DGAT2: variants seen among roughly 807,000 people sequenced by gnomAD.
The protein encoded by DGAT2 is diacylglycerol O-acyltransferase 2, also known as acyl-CoA retinol O-fatty-acyltransferase.
Under a neutral mutation model 48.4 loss-of-function variants are expected in DGAT2, and 33 were observed. That is an observed-to-expected ratio of 0.68 (90% CI 0.52 to 0.91). The LOEUF (loss-of-function observed/expected upper bound fraction) is 0.91. Ranked by LOEUF, DGAT2 falls within the 40% of genes least tolerant of loss-of-function variation. The probability of loss-of-function intolerance (pLI) is 0.00; values close to 1 mark genes in which losing one functional copy is unlikely to be tolerated. For missense variants in DGAT2, 446 were observed against 493.7 expected (o/e 0.90, Z 0.92); for synonymous variants, 191 against 194.1 (o/e 0.98, Z 0.13).
intron 2 of DGAT2, among the ~76,000 whole-genome samples, chr11:75,785,401 A>G (rs1433140711): frequency 6.6e-6 from 1 of 152,192 alleles, no homozygotes. Context: ...TCCTCAGCTG[A>G]GCACATTCCC....
rs1323242991 is a variant in DGAT2, at chr11:75,800,836, A to C, written c.*328A>C. On this transcript the variant is annotated 3_prime_UTR_variant, in exon 8 of 8. Transcript: ENST00000228027. ...TTGCCATTAGTGACTTGGACCAGTT[A>C]GATGATTCACTTTTTGCCCCTAGGG... The C allele has an allele frequency of 7.3e-6, 2 of 274,104 alleles. No individual in the cohort carries two copies. Among genetic ancestry groups the C allele is most frequent in the African/African-American group, 4.5e-5 (2 of 44,004 alleles). The allele number at this position is 274,104 out of a possible 1,614,324, so 17.0% of individuals were successfully genotyped here. A position where few individuals can be genotyped will look rare whatever the true frequency, so the allele number is the denominator to read the frequency against.
intron 2 of DGAT2, among the ~76,000 whole-genome samples, chr11:75,786,584 A>C (rs1459934009): frequency 6.6e-6 from 1 of 152,214 alleles, no homozygotes; most frequent in Admixed American, 6.5e-5. Flanking sequence ...CACAGCCCAG[A>C]AACCGGCCCA....
chr11:75,789,820 C>T (rs372639997), intron 2 of DGAT2, among the ~76,000 whole-genome samples: 4 of 152,176 alleles, frequency 2.6e-5, no homozygotes, highest in African/African-American at 9.7e-5. Flanking sequence ...GTTCCCTCCC[C>T]TTATCCACAG....
rs528100780 is a variant in DGAT2, at chr11:75,779,572, C to T, written c.122-5046C>T. Among the ~76,000 whole-genome samples the T allele has an allele frequency of 5.3e-5, 8 of 152,252 alleles. No homozygotes were observed. In the South Asian group the frequency reaches 6.2e-4, roughly 12 times the overall value. On this transcript the variant is annotated intron_variant, in intron 1 of 7. Transcript: ENST00000228027. ...GGCGCAGGAGAAGGGGATTGCTTTC[C>T]GGGTGGTAAAAGAGCTGCTCTGGGC...
chr11:75,797,464 G>A, intron 6 of DGAT2, 132 bp downstream of exon 6: 1 of 1,134,862 alleles, frequency 8.8e-7, no homozygotes, highest in Non-Finnish European at 1.2e-6. Flanking sequence ...CTGTTAGGGA[G>A]GGGATGTTGG....
At chr11:75,783,776 T>C (rs2168947) in intron 1 of DGAT2, among the ~76,000 whole-genome samples, 34,169 of 152,108 alleles carry the variant, frequency 0.22, 6,430 homozygotes, top group African/African-American at 0.51. Flanking sequence ...TTCCTGTCCC[T>C]ACTGCCCATC....
chr11:75,795,478 A>T (rs1236862302), intron 4 of DGAT2: 1 of 152,322 alleles, frequency 6.6e-6, no homozygotes, highest in African/African-American at 2.4e-5. Context: ...GTTTAGGGAC[A>T]CTGCATCACC....
intron 4 of DGAT2, among the ~76,000 whole-genome samples, chr11:75,791,690 A>C (rs1944992141): frequency 6.6e-6 from 1 of 152,102 alleles, no homozygotes; most frequent in African/African-American, 2.4e-5. Flanking sequence ...GGATTTCCCC[A>C]TTGGATTGAT....
At chr11:75,791,312 T>A (rs566140177) in intron 4 of DGAT2, among the ~76,000 whole-genome samples, 1 of 152,328 alleles carries the variant, frequency 6.6e-6, no homozygotes, top group Non-Finnish European at 1.5e-5. Flanking sequence ...CCCTGCATCC[T>A]TCACTGCATT....
rs1945056062 is a variant in DGAT2 at position 75,796,511 on chromosome 11, A to AGG, written c.615_616dup (p.Glu206GlyfsTer4). The AGG allele has an allele frequency of 6.2e-7, 1 of 1,612,758 alleles. No individual in the cohort carries two copies. Among genetic ancestry groups the AGG allele is most frequent in the Non-Finnish European group, 8.5e-7 (1 of 1,179,980 alleles). On this transcript the variant is annotated frameshift_variant, in exon 5 of 8. Coordinates refer to ENST00000228027, the MANE Select transcript of DGAT2 (RefSeq NM_032564.5). LOFTEE classifies it high-confidence loss of function. ...AGGCAACTTCCGAATGCCTGTGTTG[A>AGG]GGGAGTACCTGATGTCTGGAGGTAA...
At position 75,769,003 on chromosome 11, in the gene DGAT2, C is replaced by G. The variant is rs369559346; in HGVS notation, c.12C>G (p.Leu4=). 2 of 1,564,904 alleles carry G rather than the reference C, an allele frequency of 1.3e-6. No homozygotes were observed. The highest frequency in any genetic ancestry group is 1.7e-6 in the Non-Finnish European group (2 of 1,157,792). ...GGCGGGCTTCAGCCATGAAGACCCT[C>G]ATAGCCGCCTACTCCGGGGTCCTGC... MKT[L]IAAYSGVLRG... The change falls in exon 1 of 8, where the codon CTC becomes CTG. Residue 4 remains leucine, a synonymous_variant. Transcript: ENST00000228027.
intron 2 of DGAT2, among the ~76,000 whole-genome samples, chr11:75,787,773 G>C (rs541114856): frequency 1.3e-4 from 20 of 152,350 alleles, no homozygotes; most frequent in South Asian, 2.1e-4. Flanking sequence ...CCTGGTTTCT[G>C]CTCCCAAGGA....
intron 1 of DGAT2, among the ~76,000 whole-genome samples, chr11:75,770,663 G>T (rs570346917): frequency 6.6e-6 from 1 of 152,346 alleles, no homozygotes; most frequent in South Asian, 2.1e-4. Flanking sequence ...CTTCCAGGAG[G>T]CAGTGACCCT....
chr11:75,797,210 G>C lies in DGAT2; in HGVS notation c.687G>C (p.Gly229=), dbSNP rs771543625. Residue 229 remains glycine (G), a synonymous_variant, in exon 6 of 8, where the codon GGG becomes GGC. Coordinates refer to ENST00000228027, the MANE Select transcript of DGAT2 (RefSeq NM_032564.5). ...TAGACTATTTGCTTTCAAAGAATGG[G>C]AGTGGCAATGCTATCATCATCGTGG... ...DTIDYLLSKN[G]SGNAIIIVVG... is the part of the protein sequence containing the mutation. 6.4e-7 allele frequency: 1 copy of C among 1,572,996 alleles called. No homozygotes were observed. Among genetic ancestry groups the C allele is most frequent in the East Asian group, 2.4e-5 (1 of 41,820 alleles).
At chr11:75,769,337 G>T (rs1050650500) in intron 1 of DGAT2, among the ~76,000 whole-genome samples, 2 of 152,082 alleles carry the variant, frequency 1.3e-5, no homozygotes, top group African/African-American at 4.8e-5. Context: ...AGGGATATTC[G>T]AGAACTCCTC....
chr11:75,771,735 C>G (rs1345385488), intron 1 of DGAT2, among the ~76,000 whole-genome samples: 1 of 152,132 alleles, frequency 6.6e-6, no homozygotes, highest in Non-Finnish European at 1.5e-5. Flanking sequence ...TCCCCCCTCA[C>G]CTACATCACT....
At chr11:75,786,060 T>C (rs1479094840) in intron 2 of DGAT2, among the ~76,000 whole-genome samples, 1 of 152,082 alleles carries the variant, frequency 6.6e-6, no homozygotes, top group Non-Finnish European at 1.5e-5. Flanking sequence ...CCCTTAAAAT[T>C]AGATGCAAGA....
At chr11:75,796,943 C>A in intron 5 of DGAT2, 1 of 499,400 alleles carries the variant, frequency 2.0e-6, no homozygotes, top group Non-Finnish European at 3.4e-6. Context: ...CATGAGTTCC[C>A]AAAACAACCT....
intron 2 of DGAT2, among the ~76,000 whole-genome samples, chr11:75,788,316 T>A (rs1474564116): frequency 6.6e-6 from 1 of 152,170 alleles, no homozygotes; most frequent in Non-Finnish European, 1.5e-5. Context: ...TAGACATAGC[T>A]ATTCACCAAG....
Sources: allele counts gnomAD v4.1 joint callset (sites outside exome capture counted in the v4.1 genomes callset), GRCh38; gene constraint gnomAD v4.1.1; transcripts MANE v1.5; gene names NCBI Gene and HGNC (gene_info 2026-07-23, HGNC 2026-07-21).